The following TAT variants were observed in gnomAD, a reference collection of about 807,000 sequenced individuals.
TAT encodes the protein L-tyrosine:2-oxoglutarate aminotransferase.
A neutral mutation model predicts 53.6 loss-of-function variants in TAT; 35 were observed. That is an observed-to-expected ratio of 0.65 (90% confidence interval 0.50 to 0.87). TAT has a LOEUF of 0.87. Ranked by LOEUF, TAT falls within the 40% of genes least tolerant of loss-of-function variation. TAT has a pLI of 0.00. For missense variants in TAT, 525 were observed against 571.8 expected, an observed-to-expected ratio of 0.92 and a Z score of 0.83; for synonymous variants, 197 against 206.5, an observed-to-expected ratio of 0.95 and a Z score of 0.39.
At chr16:71,576,150 T>A (rs2044233513) in intron 2 of TAT, 31 bp downstream of exon 2, 1 of 1,611,380 alleles carries the variant, frequency 6.2e-7, no homozygotes, top group African/African-American at 1.3e-5. Context: ...AGGAGGACAA[T>A]GACAGCCCCT....
chr16:71,570,003 A>T, intron 9 of TAT, 66 bp from the exon 10 acceptor site: 1 of 1,499,368 alleles, frequency 6.7e-7, no homozygotes, highest in South Asian at 1.2e-5. Context: ...AAGTCATTAA[A>T]AATAGCCCCC....
At position 71,576,426 on chromosome 16, in the gene TAT, G is replaced by A; in HGVS notation, c.-11C>T. ...CATGTATGGGTCCATCACTAGCGAA[G>A]CCTGCGAGGGGAAAGAAGTTCCCTG... is the stretch of plus-strand genomic sequence containing the variant. On this transcript the variant is annotated splice_region_variant and 5_prime_UTR_variant, in exon 2 of 12. Coordinates refer to ENST00000355962, the MANE Select transcript of TAT (RefSeq NM_000353.3). 6.2e-7 allele frequency: 1 copy of A among 1,613,394 alleles called. No homozygotes were observed. Among genetic ancestry groups the A allele is most frequent in the Non-Finnish European group, 8.5e-7 (1 of 1,179,370 alleles).
chr16:71,575,885 G>C, intron 3 of TAT, 37 bp downstream of exon 3: 1 of 1,569,496 alleles, frequency 6.4e-7, no homozygotes, highest in Non-Finnish European at 8.8e-7. Flanking sequence ...CTAAAGATTT[G>C]GCAGTCACCA....
At chr16:71,574,577 G>A (rs1306172714) in intron 3 of TAT, among the ~76,000 whole-genome samples, 2 of 83,454 alleles carry the variant, frequency 2.4e-5, no homozygotes, top group Admixed American at 1.8e-4. Context: ...CGAAAACTTC[G>A]TCTCAAAAAA....
intron 11 of TAT, 148 bp from the exon 12 acceptor site, chr16:71,568,432 A>G: frequency 2.6e-6 from 2 of 763,210 alleles, no homozygotes; most frequent in Non-Finnish European, 4.3e-6. Flanking sequence ...ATGCTAAGTC[A>G]GCAACTGAGT....
In TAT at chr16:71,570,715, G is replaced by A; in HGVS notation, c.876C>T (p.Ile292=). 1 of 1,614,134 alleles carries A rather than the reference G, an allele frequency of 6.2e-7. No individual in the cohort carries two copies. The highest frequency in any genetic ancestry group is 8.5e-7 in the Non-Finnish European group (1 of 1,180,040). ...WLVPGWRLGW[I]LIHDRRDIFG... ...AAATGTCTCTTCGGTCATGAATGAG[G>A]ATCCAGCCCAACCTCCAGCCAGGAA... Residue 292 remains isoleucine, a synonymous_variant, in exon 8 of 12, where the codon ATC becomes ATT. Coordinates refer to ENST00000355962, the MANE Select transcript of TAT (RefSeq NM_000353.3).
At chr16:71,575,849 A>G in intron 3 of TAT, 73 bp downstream of exon 3, 1 of 1,374,800 alleles carries the variant, frequency 7.3e-7, no homozygotes, top group South Asian at 1.2e-5. Context: ...GAGGATTGCT[A>G]GACATTTAGT....
chr16:71,574,784 C>CA (rs1236921607), intron 3 of TAT, among the ~76,000 whole-genome samples: 7 of 152,074 alleles, frequency 4.6e-5, no homozygotes, highest in Non-Finnish European at 8.8e-5. Flanking sequence ...TAATATTTTG[C>CA]AAAATTTATG....
chr16:71,576,425 A>G lies in TAT; in HGVS notation c.-10T>C, dbSNP rs376128368. 1 of 1,613,796 alleles carries G rather than the reference A, an allele frequency of 6.2e-7. No homozygotes were observed. The highest frequency in any genetic ancestry group is 1.7e-5 in the Admixed American group (1 of 60,028). On this transcript the variant is annotated splice_region_variant and 5_prime_UTR_variant, in exon 2 of 12. Transcript: ENST00000355962. ...TCATGTATGGGTCCATCACTAGCGA[A>G]GCCTGCGAGGGGAAAGAAGTTCCCT...
chr16:71,576,027 C>T lies in TAT; in HGVS notation c.236-1G>A. 2 of 1,614,088 alleles carry T rather than the reference C, an allele frequency of 1.2e-6. No individual in the cohort carries two copies. Among genetic ancestry groups the T allele is most frequent in the Non-Finnish European group, 1.7e-6 (2 of 1,180,020 alleles). On this transcript the variant is annotated splice_acceptor_variant, in intron 2 of 11. Transcript: ENST00000355962. LOFTEE classifies it high-confidence loss of function. ...AGGTTTCCAAACACAGTAGGGTCCCCTTTTTATGGGAGGAAAACACAAAAG... is the reference window on the plus strand; with the variant it reads ...AGGTTTCCAAACACAGTAGGGTCCCTTTTTTATGGGAGGAAAACACAAAAG...
intron 4 of TAT, 31 bp from the exon 5 acceptor site, chr16:71,572,719 AG>A: frequency 1.2e-6 from 2 of 1,613,774 alleles, no homozygotes; most frequent in East Asian, 2.2e-5. Context: ...TAATTTCATT[AG>A]GGGTTCCAAC....
rs1326303552 is a variant in TAT at position 71,572,194 on chromosome 16, A to G, written c.698T>C (p.Ile233Thr). The G allele has an allele frequency of 6.2e-6, 10 of 1,614,062 alleles. No individual in the cohort carries two copies. The highest frequency in any genetic ancestry group is 1.3e-5 in the African/African-American group (1 of 74,936). ...AAGTCTGCTGGACGTACCTGCCAGA[A>G]TCTTCTGAAGATGACGTTTGCTGAA... ...SVFSKRHLQK[I>T]LAVAARQCVP... The change falls in exon 6 of 12, where the codon ATT becomes ACT. Residue 233 changes from isoleucine to threonine, a missense_variant. Physicochemically the swap from Ile to Thr is moderately conservative, Grantham distance 89. Coordinates refer to ENST00000355962, the MANE Select transcript of TAT (RefSeq NM_000353.3).
At chr16:71,570,489 A>T (rs1000113935) in intron 8 of TAT, 92 bp from the exon 9 acceptor site, 8 of 1,608,058 alleles carry the variant, frequency 5.0e-6, no homozygotes, top group African/African-American at 1.3e-5. Flanking sequence ...TCAGGTTTTT[A>T]ATCTTGGAAA....
rs750916725 is a variant in TAT at position 71,576,250 on chromosome 16, T to C, written c.166A>G (p.Ile56Val). 4.3e-6 allele frequency: 7 copies of C among 1,614,128 alleles called. No homozygotes were observed. The South Asian group carries it at 7.7e-5, about 18-fold the overall frequency. ...SDMAKKTFNP[I>V]RAIVDNMKVK... is the part of the protein sequence containing the mutation. ...TTCATGTTGTCCACAATGGCTCGGA[T>C]GGGGTTGAAAGTTTTCTTGGCCATG... The change falls in exon 2 of 12, where the codon ATC (isoleucine) becomes GTC (valine). Residue 56 changes from isoleucine to valine, a missense_variant. Transcript: ENST00000355962.
In TAT at chr16:71,567,956, G is replaced by A. The variant is rs1404039794; in HGVS notation, c.*188C>T. ...CAGCGCAGAGCAAGGGAGAATCTGC[G>A]ATGTGAATGAGGAGGATCTGAGTGT... On this transcript the variant is annotated 3_prime_UTR_variant, in exon 12 of 12. Coordinates refer to ENST00000355962, the MANE Select transcript of TAT (RefSeq NM_000353.3). The A allele has an allele frequency of 2.0e-5, 13 of 657,384 alleles. No individual in the cohort carries two copies. The highest frequency in any genetic ancestry group is 5.5e-5 in the East Asian group (2 of 36,190). 40.7% of individuals were successfully genotyped at this position (657,384 alleles called of 1,614,324 possible). A position where few individuals can be genotyped will look rare whatever the true frequency, so the allele number is the denominator to read the frequency against.
chr16:71,570,869 A>C, intron 7 of TAT, 38 bp from the exon 8 acceptor site: 1 of 1,606,800 alleles, frequency 6.2e-7, no homozygotes, highest in Non-Finnish European at 8.5e-7. Flanking sequence ...TTTCTTGTCT[A>C]CTTCTCACTG....
chr16:71,570,193 C>T, intron 9 of TAT, 76 bp downstream of exon 9: 1 of 1,608,320 alleles, frequency 6.2e-7, no homozygotes. Flanking sequence ...GAAAGGAGAA[C>T]CAATTATTCC....
intron 7 of TAT, 53 bp downstream of exon 7, chr16:71,571,553 T>A: frequency 6.6e-7 from 1 of 1,506,182 alleles, no homozygotes; most frequent in Non-Finnish European, 9.2e-7. Context: ...CTTCTAAAGT[T>A]CCCATAAAAT....
chr16:71,576,683 G>A (rs2044237371), intron 1 of TAT, among the ~76,000 whole-genome samples: 1 of 152,136 alleles, frequency 6.6e-6, no homozygotes, highest in Admixed American at 6.5e-5. Context: ...TGCAATTCCT[G>A]TCAAAGCTTA....
Sources: gnomAD v4.1 joint callset for allele counts (sites outside exome capture counted in the v4.1 genomes callset) on GRCh38, gnomAD v4.1.1 for gene constraint, MANE v1.5 for transcripts, NCBI Gene and HGNC (gene_info 2026-07-23, HGNC 2026-07-21) for gene names.